The following SND1 variants were observed in gnomAD, a reference collection of about 807,000 sequenced individuals.
The protein encoded by SND1 is staphylococcal nuclease domain-containing protein 1.
Under a neutral mutation model 121.7 loss-of-function variants are expected in SND1, and 38 were observed. The observed-to-expected ratio is 0.31, with a 90% CI of 0.24 to 0.41. The LOEUF (loss-of-function observed/expected upper bound fraction) is 0.41. Ranked by LOEUF, SND1 falls within the 10% of genes least tolerant of loss-of-function variation. The pLI is 1.00. For synonymous variants in SND1, 401 were observed against 447.4 expected, an observed-to-expected ratio of 0.90 and a Z score of 1.31; for missense variants, 868 against 1,184.6, an observed-to-expected ratio of 0.73 and a Z score of 3.92.
At chr7:128,090,423 A>G (rs1404673786) in intron 22 of SND1, among the ~76,000 whole-genome samples, 6 of 152,140 alleles carry the variant, frequency 3.9e-5, no homozygotes, top group Non-Finnish European at 8.8e-5. Flanking sequence ...CCAAGCAGCC[A>G]CTGAGGCCCT....
rs117269518 is a variant in SND1 at position 127,917,832 on chromosome 7, T to A, written c.1528-11356T>A. Among the ~76,000 whole-genome samples, 90 of 152,322 alleles carry A rather than the reference T, an allele frequency of 5.9e-4. 1 individual carries two copies. Among genetic ancestry groups the A allele is most frequent in the East Asian group, 3.3e-3 (17 of 5,184 alleles). ...ATGGAATCACAGAGCAAATTTCACA[T>A]GCAGCTTCAGGTCAAACTGTTTCCA... is the stretch of plus-strand genomic sequence containing the variant. On this transcript the variant is annotated intron_variant, in intron 14 of 23. Coordinates refer to ENST00000354725, the MANE Select transcript of SND1 (RefSeq NM_014390.4).
At chr7:127,987,551 C>G (rs763853275) in intron 15 of SND1, among the ~76,000 whole-genome samples, 1 of 152,176 alleles carries the variant, frequency 6.6e-6, no homozygotes, top group Non-Finnish European at 1.5e-5. Flanking sequence ...ATTTTTTGCT[C>G]TGTTCCTTGG....
At chr7:127,682,458 A>G (rs1795744234) in intron 1 of SND1, among the ~76,000 whole-genome samples, 1 of 152,206 alleles carries the variant, frequency 6.6e-6, no homozygotes, top group Admixed American at 6.5e-5. Flanking sequence ...TGGTTTCACA[A>G]ACCTCCTGCT....
chr7:127,684,541 C>G (rs1795780536), intron 1 of SND1, among the ~76,000 whole-genome samples: 1 of 152,158 alleles, frequency 6.6e-6, no homozygotes, highest in Admixed American at 6.5e-5. Context: ...TTTGGCCCTT[C>G]TTATTCAGGA....
intron 11 of SND1, among the ~76,000 whole-genome samples, chr7:127,815,116 T>C (rs926935615): frequency 6.6e-6 from 1 of 152,090 alleles, no homozygotes; most frequent in East Asian, 1.9e-4. Flanking sequence ...TTCTATCCCA[T>C]GAGTATTGCT....
At chr7:127,747,235 T>C (rs2116448022) in intron 10 of SND1, among the ~76,000 whole-genome samples, 1 of 152,316 alleles carries the variant, frequency 6.6e-6, no homozygotes, top group East Asian at 1.9e-4. Flanking sequence ...GAGACGCTGG[T>C]GTGCCCTATC....
At chr7:127,770,077 C>T (rs61165973) in intron 10 of SND1, among the ~76,000 whole-genome samples, 2,606 of 152,284 alleles carry the variant, frequency 0.017, 95 homozygotes, top group African/African-American at 0.06. Context: ...TGCCACTCAC[C>T]GTCACCGGTG....
At chr7:127,679,531 C>A (rs1316052361) in intron 1 of SND1, among the ~76,000 whole-genome samples, 1 of 152,116 alleles carries the variant, frequency 6.6e-6, no homozygotes, top group Non-Finnish European at 1.5e-5. Flanking sequence ...ACAATCACTA[C>A]TAATTTGGAA....
chr7:128,028,526 G>A (rs561425265), intron 16 of SND1: 24 of 702,186 alleles, frequency 3.4e-5, no homozygotes, highest in African/African-American at 2.0e-4. Flanking sequence ...TTGACTTTTT[G>A]TCTTTAAATT....
At chr7:127,814,396 A>G (rs758928520) in intron 11 of SND1, among the ~76,000 whole-genome samples, 1 of 151,744 alleles carries the variant, frequency 6.6e-6, no homozygotes, top group Non-Finnish European at 1.5e-5. Context: ...AACTTCCTAT[A>G]CCTCCTGGTT....
chr7:128,044,811 G>A (rs914971584), intron 16 of SND1, among the ~76,000 whole-genome samples: 1 of 152,056 alleles, frequency 6.6e-6, no homozygotes, highest in Non-Finnish European at 1.5e-5. Flanking sequence ...TAGTTCATAT[G>A]GAGTAGAAGG....
intron 9 of SND1, among the ~76,000 whole-genome samples, chr7:127,710,718 C>T (rs552248323): frequency 1.9e-4 from 29 of 152,266 alleles, no homozygotes; most frequent in African/African-American, 7.0e-4. Flanking sequence ...CTGAATAAAA[C>T]ATTTACATGG....
At chr7:127,803,399 A>G (rs1277812184) in intron 10 of SND1, among the ~76,000 whole-genome samples, 1 of 152,120 alleles carries the variant, frequency 6.6e-6, no homozygotes, top group East Asian at 1.9e-4. Flanking sequence ...TCTTTTCAGT[A>G]CAGAACTTTT....
At chr7:127,752,149 A>G (rs1443804429) in intron 10 of SND1, among the ~76,000 whole-genome samples, 1 of 152,186 alleles carries the variant, frequency 6.6e-6, no homozygotes, top group African/African-American at 2.4e-5. Flanking sequence ...TCTTCCTAAT[A>G]TAACTGGAGA....
At chr7:127,883,536 C>T (rs1799836642) in intron 12 of SND1, among the ~76,000 whole-genome samples, 2 of 152,136 alleles carry the variant, frequency 1.3e-5, no homozygotes, top group Admixed American at 1.3e-4. Flanking sequence ...TTAAGAGCAA[C>T]TGGCCGATCT....
intron 11 of SND1, among the ~76,000 whole-genome samples, chr7:127,839,117 A>G (rs943978987): frequency 1.2e-4 from 18 of 152,178 alleles, no homozygotes; most frequent in Non-Finnish European, 2.4e-4. Flanking sequence ...TATCGAGCCT[A>G]TGTGAAACAT....
At chr7:127,668,228 A>G (rs148616499) in intron 1 of SND1, among the ~76,000 whole-genome samples, 15 of 152,334 alleles carry the variant, frequency 9.8e-5, no homozygotes, top group Non-Finnish European at 2.2e-4. Context: ...GTAAAGTCTG[A>G]GAAGTGCTGT....
chr7:127,796,545 C>T (rs996906931), intron 10 of SND1, among the ~76,000 whole-genome samples: 2 of 152,082 alleles, frequency 1.3e-5, no homozygotes, highest in African/African-American at 2.4e-5. Flanking sequence ...GCAGTAAGAC[C>T]TGTATAAAGT....
rs145317275 is a variant in SND1 at position 127,889,345 on chromosome 7, C to A, written c.1454+1333C>A. On this transcript the variant is annotated intron_variant, in intron 13 of 23. Transcript: ENST00000354725. ...ATCATGATTTCTCATGATCTTGGTT[C>A]TGTTTTGTTTTTTTTTTAATTTTTT... 9.2e-4 allele frequency among the ~76,000 whole-genome samples: 139 copies of A among 151,188 alleles called. 1 individual carries two copies. The highest frequency in any genetic ancestry group is 3.4e-3 in the Middle Eastern group (1 of 292).
Sources: gnomAD v4.1 joint callset for allele counts (sites outside exome capture counted in the v4.1 genomes callset) on GRCh38, gnomAD v4.1.1 for gene constraint, MANE v1.5 for transcripts, NCBI Gene and HGNC (gene_info 2026-07-23, HGNC 2026-07-21) for gene names.